Variants in SEMA6B observed in about 807,000 individuals in gnomAD.
SEMA6B encodes semaphorin-6B.
A neutral mutation model predicts 78.6 loss-of-function variants in SEMA6B; 47 were observed. That is an observed-to-expected ratio of 0.60 (90% CI 0.47 to 0.76). The LOEUF is 0.76. Ranked by LOEUF, SEMA6B falls within the 30% of genes least tolerant of loss-of-function variation. The pLI, the probability that SEMA6B is intolerant of heterozygous loss-of-function variation, is 0.00. For missense variants in SEMA6B, 1,213 were observed against 1,269.9 expected, an observed-to-expected ratio of 0.96 and a Z score of 0.68; for synonymous variants, 632 against 592.2, an observed-to-expected ratio of 1.07 and a Z score of -0.98.
In SEMA6B at chr19:4,556,004, A is replaced by C. The variant is rs778677650; in HGVS notation, c.455T>G (p.Val152Gly). 1.2e-6 allele frequency: 2 copies of C among 1,613,990 alleles called. No homozygotes were observed. Among genetic ancestry groups the C allele is most frequent in the Non-Finnish European group, 1.7e-6 (2 of 1,179,874 alleles). The change falls in exon 6 of 17, where the codon GTG (valine) becomes GGG (glycine). Residue 152 changes from valine (V) to glycine (G), a missense_variant. Val to Gly is a moderately radical substitution (Grantham distance 109, BLOSUM62 -3). Coordinates refer to ENST00000586582, the MANE Select transcript of SEMA6B (RefSeq NM_032108.4). ...AAGACTCACGCTGTAGTTGGCGCACACCGGGTTGAAGGCGTTGGAACCGCA... is the reference window on the plus strand; with the variant it reads ...AAGACTCACGCTGTAGTTGGCGCACCCCGGGTTGAAGGCGTTGGAACCGCA... ...FVCGSNAFNP[V>G]CANYSIDTLQ...
chr19:4,555,145 CA>C lies in SEMA6B; in HGVS notation c.563-51del. ...AGGCAAGAGATGAGACCGCAGAGGC[CA>C]GGGGCTGGGTGGGTCGAAACTCGAT... On this transcript the variant is annotated intron_variant, in intron 7 of 16. Coordinates refer to ENST00000586582, the MANE Select transcript of SEMA6B (RefSeq NM_032108.4). This position sits in a 1 kb window ranked among gnomAD's most constrained non-coding sequence, Gnocchi z 6.1. 1.2e-6 allele frequency: 2 copies of C among 1,605,676 alleles called. No homozygotes were observed. The highest frequency in any genetic ancestry group is 1.7e-6 in the Non-Finnish European group (2 of 1,175,446).
At chr19:4,546,868 G>A (rs908973628) in intron 14 of SEMA6B, among the ~76,000 whole-genome samples, 5 of 151,948 alleles carry the variant, frequency 3.3e-5, no homozygotes, top group African/African-American at 7.3e-5. Context: ...CACCCGCCTC[G>A]GACTCCCAAA....
In SEMA6B at chr19:4,556,005, C is replaced by A. The variant is rs1213984537; in HGVS notation, c.454G>T (p.Val152Leu). 1.2e-6 allele frequency: 2 copies of A among 1,613,914 alleles called. No individual in the cohort carries two copies. The highest frequency in any genetic ancestry group is 1.7e-6 in the Non-Finnish European group (2 of 1,179,938). ...AGACTCACGCTGTAGTTGGCGCACACCGGGTTGAAGGCGTTGGAACCGCAC... is the reference window on the plus strand; with the variant it reads ...AGACTCACGCTGTAGTTGGCGCACAACGGGTTGAAGGCGTTGGAACCGCAC... ...FVCGSNAFNPVCANYSIDTLQ... is the reference protein window; with the variant it reads ...FVCGSNAFNPLCANYSIDTLQ... The change falls in exon 6 of 17, where the codon GTG (valine) becomes TTG (leucine). Residue 152 changes from valine to leucine, a missense_variant. Physicochemically the swap from Val to Leu is conservative, Grantham distance 32 (BLOSUM62 1). Transcript: ENST00000586582.
intron 13 of SEMA6B, 36 bp downstream of exon 13, chr19:4,548,227 T>G: frequency 1.3e-6 from 2 of 1,592,012 alleles, no homozygotes; most frequent in Non-Finnish European, 1.7e-6. Flanking sequence ...TCTCCCCTCC[T>G]GCTGGCGACC....
rs781106908 is a variant in SEMA6B, at chr19:4,558,398, C to A, written c.60G>T (p.Leu20=). 1 of 1,273,384 alleles carries A rather than the reference C, an allele frequency of 7.9e-7. No homozygotes were observed. The allele number at this position is 1,273,384 out of a possible 1,614,324, so 78.9% of individuals were successfully genotyped here. A position where few individuals can be genotyped will look rare whatever the true frequency, so the allele number is the denominator to read the frequency against. Reference sequence around the variant, plus strand: ...CAGGAAAGAGGCCGTGGGCGCCCCCCAGTAGCAGCAGCAGAAGCAGCAGGG... The same window carrying A: ...CAGGAAAGAGGCCGTGGGCGCCCCCAAGTAGCAGCAGCAGAAGCAGCAGGG... ...RPALLLLLLL[L]GGAHGLFPEE... is the part of the protein sequence containing the mutation. The change falls in exon 2 of 17, where the codon CTG becomes CTT. Residue 20 remains leucine, a synonymous_variant. Transcript: ENST00000586582. The surrounding 1 kb of genome is among the most constrained non-coding windows in gnomAD (Gnocchi z 5.1).
At chr19:4,546,192 T>G (rs768038839) in intron 16 of SEMA6B, 24 bp downstream of exon 16, 4 of 1,590,254 alleles carry the variant, frequency 2.5e-6, no homozygotes, top group Non-Finnish European at 3.4e-6. Flanking sequence ...ATGGGGGTCT[T>G]AGCCTGCCGT....
Position 4,544,350 on chromosome 19 carries a change from G to C in SEMA6B, c.1918C>G (p.Leu640Val), listed in dbSNP as rs1489035499. 5 of 1,557,858 alleles carry C rather than the reference G, an allele frequency of 3.2e-6. No homozygotes were observed. The highest frequency in any genetic ancestry group is 1.8e-5 in the Admixed American group (1 of 54,068). ...LARRKDKEAI[L>V]AHGAGEAVLS... is the part of the protein sequence containing the mutation. ...ACCGCCTCGCCCGCCCCGTGCGCCA[G>C]GATGGCCTCCTTGTCCTTGCGCCGG... is the stretch of plus-strand genomic sequence containing the variant. The change falls in exon 17 of 17, where the codon CTG becomes GTG. Residue 640 changes from leucine to valine, a missense_variant. Coordinates refer to ENST00000586582, the MANE Select transcript of SEMA6B (RefSeq NM_032108.4). The surrounding 1 kb of genome is among the most constrained non-coding windows in gnomAD (Gnocchi z 5.1).
Position 4,555,009 on chromosome 19 carries a change from G to A in SEMA6B, c.649C>T (p.Arg217Cys). 1.2e-6 allele frequency: 2 copies of A among 1,613,996 alleles called. No homozygotes were observed. Among genetic ancestry groups the A allele is most frequent in the African/African-American group, 1.3e-5 (1 of 75,022 alleles). The change falls in exon 8 of 17, where the codon CGC becomes TGC. Residue 217 changes from arginine (R) to cysteine (C), a missense_variant. Coordinates refer to ENST00000586582, the MANE Select transcript of SEMA6B (RefSeq NM_032108.4). This position sits in a 1 kb window ranked among gnomAD's most constrained non-coding sequence, Gnocchi z 6.1. ...YRSLGDRPTL[R>C]TVKHDSKWFK... ...CACTTGGAGTCATGTTTCACGGTGC[G>A]CAGGGTGGGCCTGTCCCCGAGGCTG...
Position 4,556,047 on chromosome 19 carries a change from C to G in SEMA6B, c.412G>C (p.Glu138Gln). 2 of 1,614,132 alleles carry G rather than the reference C, an allele frequency of 1.2e-6. No homozygotes were observed. The highest frequency in any genetic ancestry group is 1.7e-6 in the Non-Finnish European group (2 of 1,180,008). ...NFVKVLLLRDESTLFVCGSNA... is the reference protein window; with the variant it reads ...NFVKVLLLRDQSTLFVCGSNA... ...GAACCGCACACAAAGAGCGTGGACT[C>G]GTCCCGAAGGAGCAGCACCTTTACG... Residue 138 changes from glutamate to glutamine, a missense_variant, in exon 6 of 17, where the codon GAG (glutamate) becomes CAG (glutamine). By Grantham distance (29) the Glu-to-Gln change is conservative (BLOSUM62 2). Coordinates refer to ENST00000586582, the MANE Select transcript of SEMA6B (RefSeq NM_032108.4).
Position 4,548,038 on chromosome 19 carries a change from C to T in SEMA6B, c.1590G>A (p.Ser530=), listed in dbSNP as rs555644326. The change falls in exon 14 of 17, where the codon TCG becomes TCA. Residue 530 remains serine, a synonymous_variant. Coordinates refer to ENST00000586582, the MANE Select transcript of SEMA6B (RefSeq NM_032108.4). ...GGGTGGACACTCACTTCATACACCC[C>T]GAGTACTGCTGGCAGCGAGCCACAG... The part of the protein sequence containing the change: ...RVPVARCQQY[S]GCMKNCIGSQ... 3.4e-5 allele frequency: 53 copies of T among 1,564,000 alleles called. No homozygotes were observed. Among genetic ancestry groups the T allele is most frequent in the Admixed American group, 2.1e-4 (12 of 57,632 alleles).
chr19:4,553,318 GTGGA>G (rs139153802), intron 9 of SEMA6B, among the ~76,000 whole-genome samples: 9,011 of 150,454 alleles, frequency 0.06, 403 homozygotes, highest in Admixed American at 0.14. Context: ...GGATAAGTGG[GTGGA>G]TGGATGGATG....
intron 16 of SEMA6B, 182 bp downstream of exon 16, chr19:4,546,034 G>C: frequency 3.6e-6 from 2 of 553,994 alleles, no homozygotes; most frequent in East Asian, 3.1e-5. Context: ...GCCTCCCAAA[G>C]TGCTGGGATT....
intron 9 of SEMA6B, among the ~76,000 whole-genome samples, chr19:4,553,318 G>GTGGATGGATGGATGGA (rs139153802): frequency 1.3e-5 from 2 of 150,502 alleles, no homozygotes; most frequent in South Asian, 4.2e-4. Flanking sequence ...GGATAAGTGG[G>GTGGATGGATGGATGGA]TGGATGGATG....
intron 14 of SEMA6B, among the ~76,000 whole-genome samples, chr19:4,546,720 G>A (rs1238974286): frequency 1.3e-5 from 2 of 151,928 alleles, no homozygotes; most frequent in African/African-American, 2.4e-5. Flanking sequence ...CGCCTCCCGG[G>A]TTCAAGCGAT....
intron 8 of SEMA6B, among the ~76,000 whole-genome samples, chr19:4,554,746 T>C (rs1472039682): frequency 6.6e-6 from 1 of 152,230 alleles, no homozygotes; most frequent in African/African-American, 2.4e-5. Context: ...ATCTTTTCTG[T>C]GGTTCCATTT....
chr19:4,543,857 G>C lies in SEMA6B; in HGVS notation c.2411C>G (p.Pro804Arg). The change falls in exon 17 of 17, where the codon CCC (proline) becomes CGC (arginine). Residue 804 changes from proline to arginine, a missense_variant. Transcript: ENST00000586582. Reference protein sequence around the residue: ...SPDRRRVVSAPTGPLDPASAA... With the variant: ...SPDRRRVVSARTGPLDPASAA... Reference sequence around the variant, plus strand: ...TGAGGCTGGGTCCAAGGGGCCCGTGGGCGCGGACACCACCCGCCGGCGGTC... The same window carrying C: ...TGAGGCTGGGTCCAAGGGGCCCGTGCGCGCGGACACCACCCGCCGGCGGTC... The C allele has an allele frequency of 8.3e-7, 1 of 1,209,828 alleles. No individual in the cohort carries two copies. The highest frequency in any genetic ancestry group is 1.0e-6 in the Non-Finnish European group (1 of 974,076). 74.9% of individuals were successfully genotyped at this position (1,209,828 alleles called of 1,614,324 possible).
rs961179397 is a variant in SEMA6B at position 4,544,141 on chromosome 19, C to T, written c.2127G>A (p.Thr709=). 37 of 1,275,438 alleles carry T rather than the reference C, an allele frequency of 2.9e-5. No individual in the cohort carries two copies. Among genetic ancestry groups the T allele is most frequent in the Non-Finnish European group, 3.4e-5 (34 of 1,012,998 alleles). The allele number at this position is 1,275,438 out of a possible 1,614,324, so 79.0% of individuals were successfully genotyped here. ...PHDLDSGLLP[T]PEQTPLPQKR... Reference sequence around the variant, plus strand: ...TCTGCGGCAGCGGCGTCTGCTCGGGCGTGGGCAGCAGCCCCGAGTCCAGGT... The same window carrying T: ...TCTGCGGCAGCGGCGTCTGCTCGGGTGTGGGCAGCAGCCCCGAGTCCAGGT... The change falls in exon 17 of 17, where the codon ACG becomes ACA. Residue 709 remains threonine, a synonymous_variant. Transcript: ENST00000586582. The surrounding 1 kb of genome is among the most constrained non-coding windows in gnomAD (Gnocchi z 5.1).
Position 4,552,323 on chromosome 19 carries a change from C to T in SEMA6B, c.989+99G>A, listed in dbSNP as rs187151664. 0.015 allele frequency: 17,942 copies of T among 1,234,266 alleles called. 174 individuals carry two copies. Among genetic ancestry groups the T allele is most frequent in the Non-Finnish European group, 0.018 (16,010 of 888,992 alleles). The allele number at this position is 1,234,266 out of a possible 1,614,324, so 76.5% of individuals were successfully genotyped here. The stretch of plus-strand genomic sequence containing the variant: ...TCTCAGAGGTCTAATCCAGTGGTGC[C>T]CAACCTAGCACCCAGGGCATACCTG... On this transcript the variant is annotated intron_variant, in intron 10 of 16. Transcript: ENST00000586582. The surrounding 1 kb of genome is among the most constrained non-coding windows in gnomAD (Gnocchi z 7.4).
chr19:4,549,767 CAT>C (rs1977272308), intron 12 of SEMA6B, among the ~76,000 whole-genome samples: 1 of 152,102 alleles, frequency 6.6e-6, no homozygotes, highest in South Asian at 2.1e-4. Flanking sequence ...CGTGAGCCAC[CAT>C]GCCCGGCCAA....
Sources: allele counts gnomAD v4.1 joint callset (sites outside exome capture counted in the v4.1 genomes callset), GRCh38; gene constraint gnomAD v4.1.1; non-coding constraint Gnocchi (gnomAD v3.1); transcripts MANE v1.5; gene names NCBI Gene and HGNC (gene_info 2026-07-23, HGNC 2026-07-21).